OR6B3: variants seen among roughly 807,000 people sequenced by gnomAD.
The protein encoded by OR6B3 is olfactory receptor family 6 subfamily B member 3.
For missense variants in OR6B3, 315 were observed against 427.4 expected, an observed-to-expected ratio of 0.74 and a Z score of 2.32; for synonymous variants, 148 against 187.8, an observed-to-expected ratio of 0.79 and a Z score of 1.73.
upstream of OR6B3, among the ~76,000 whole-genome samples, chr2:240,050,234 C>T (rs1698239008): frequency 6.6e-6 from 1 of 152,192 alleles, no homozygotes; most frequent in Admixed American, 6.5e-5. Context: ...CAAAAAACTT[C>T]AACTCAGGTT....
At chr2:240,049,702 A>T (rs879862572), upstream of OR6B3, among the ~76,000 whole-genome samples, 3 of 152,200 alleles carry the variant, frequency 2.0e-5, no homozygotes, top group Non-Finnish European at 4.4e-5. Flanking sequence ...TATAATGAAA[A>T]ATAGTAATTG....
chr2:240,045,720 A>G (rs1698177031), exon 2 of OR6B3: 3 of 1,372,532 alleles, frequency 2.2e-6, no homozygotes, highest in Admixed American at 1.7e-5. Flanking sequence ...GTCGTAGGCC[A>G]TGGAGGCCAG....
upstream of OR6B3, among the ~76,000 whole-genome samples, chr2:240,052,003 C>T (rs936798024): frequency 2.6e-5 from 4 of 152,202 alleles, no homozygotes; most frequent in Admixed American, 1.3e-4. This position sits in a 1 kb window ranked among gnomAD's most constrained non-coding sequence, Gnocchi z 4.5. Context: ...ATTGTACTAG[C>T]TACCACAGAA....
chr2:240,045,635 G>A (rs1261960810), exon 2 of OR6B3: 3 of 1,383,798 alleles, frequency 2.2e-6, no homozygotes, highest in South Asian at 2.4e-5. Context: ...CAAAGGAGAA[G>A]CCCACCAGCT....
chr2:240,050,345 G>T (rs186140351), upstream of OR6B3, among the ~76,000 whole-genome samples: 1 of 152,226 alleles, frequency 6.6e-6, no homozygotes, highest in Non-Finnish European at 1.5e-5. Flanking sequence ...CAAATGGTCT[G>T]TTTCACTTAT....
At chr2:240,050,098 T>A (rs189001643), upstream of OR6B3, among the ~76,000 whole-genome samples, 529 of 149,156 alleles carry the variant, frequency 3.5e-3, 4 homozygotes, top group Non-Finnish European at 4.7e-3. Context: ...AAAAATCAGT[T>A]GTGACAATAA....
the OR6B3 span, among the ~76,000 whole-genome samples, chr2:240,052,294 C>T: frequency 3.3e-5 from 5 of 151,918 alleles, no homozygotes; most frequent in East Asian, 9.6e-4. This position sits in a 1 kb window ranked among gnomAD's most constrained non-coding sequence, Gnocchi z 4.5. Flanking sequence ...TTCTTGAAAT[C>T]ATCTGGAAAT....
chr2:240,048,001 G>T (rs745554295), upstream of OR6B3, among the ~76,000 whole-genome samples: 1 of 152,090 alleles, frequency 6.6e-6, no homozygotes, highest in Non-Finnish European at 1.5e-5. Flanking sequence ...TATATTGATG[G>T]CATCTGTTAG....
chr2:240,051,057 A>G (rs1698250592), upstream of OR6B3, among the ~76,000 whole-genome samples: 1 of 152,232 alleles, frequency 6.6e-6, no homozygotes, highest in African/African-American at 2.4e-5. Flanking sequence ...AGAAAAAATA[A>G]TAGAATTGAT....
chr2:240,044,933 A>G (rs760266007), downstream of OR6B3: 4 of 692,558 alleles, frequency 5.8e-6, no homozygotes, highest in East Asian at 5.4e-5. Context: ...CAAAAACAAG[A>G]AAGTACTGGT....
At chr2:240,044,834 C>A (rs568403653), downstream of OR6B3, among the ~76,000 whole-genome samples, 1 of 152,316 alleles carries the variant, frequency 6.6e-6, no homozygotes, top group East Asian at 1.9e-4. Flanking sequence ...GATGATCTGG[C>A]ATGTTTTGCT....
At chr2:240,050,202 G>A (rs150909317), upstream of OR6B3, among the ~76,000 whole-genome samples, 122 of 152,210 alleles carry the variant, frequency 8.0e-4, 2 homozygotes, top group East Asian at 0.021. Flanking sequence ...AAGTAATTGC[G>A]GTTATATGCC....
intron 1 of OR6B3, 93 bp from the exon 3 acceptor site, chr2:240,046,190 A>T (rs1190113568): frequency 1.2e-6 from 1 of 856,218 alleles, no homozygotes; most frequent in East Asian, 2.6e-5. Context: ...TTTTGGTGTA[A>T]AGAGAGGCCA....
the OR6B3 span, among the ~76,000 whole-genome samples, chr2:240,053,067 T>C: frequency 6.6e-6 from 1 of 152,302 alleles, no homozygotes; most frequent in Admixed American, 6.5e-5. The surrounding 1 kb of genome is among the most constrained non-coding windows in gnomAD (Gnocchi z 4.1). Flanking sequence ...CCTGCCAAAG[T>C]GCTGGAATTA....
intron 1 of OR6B3, 122 bp from the exon 3 acceptor site, chr2:240,046,219 C>A (rs1227773198): frequency 1.6e-6 from 1 of 631,382 alleles, no homozygotes; most frequent in Non-Finnish European, 2.7e-6. Context: ...CCCAGAGCAC[C>A]AGTGGGGAGC....
At chr2:240,045,134 C>T in exon 2 of OR6B3, 1 of 1,613,598 alleles carries the variant, frequency 6.2e-7, no homozygotes. Flanking sequence ...AAAGCCTCCC[C>T]TCTACGGCGC....
upstream of OR6B3, among the ~76,000 whole-genome samples, chr2:240,047,227 G>T (rs1698203764): frequency 6.6e-6 from 1 of 152,192 alleles, no homozygotes; most frequent in Non-Finnish European, 1.5e-5. Flanking sequence ...GGCATAGGTT[G>T]GTTGAACGAA....
downstream of OR6B3, chr2:240,045,052 T>A (rs781537867): frequency 6.5e-7 from 1 of 1,538,606 alleles, no homozygotes; most frequent in South Asian, 1.3e-5. Context: ...GGTACTACAA[T>A]AATGCAAACA....
chr2:240,045,909 A>T (rs374792989), exon 2 of OR6B3: 35 of 1,571,710 alleles, frequency 2.2e-5, no homozygotes, highest in Non-Finnish European at 2.8e-5. Flanking sequence ...GGGCCTGTGG[A>T]GGGAGGTGCT....
Sources: allele counts gnomAD v4.1 joint callset (sites outside exome capture counted in the v4.1 genomes callset), GRCh38; gene constraint gnomAD v4.1.1; non-coding constraint Gnocchi (gnomAD v3.1); transcripts MANE v1.5; gene names NCBI Gene and HGNC (gene_info 2026-07-23, HGNC 2026-07-21).